The following DCLK2 variants were observed in gnomAD, a reference collection of about 807,000 sequenced individuals.
DCLK2 encodes serine/threonine-protein kinase DCLK2.
In DCLK2, 31 loss-of-function variants were observed where a neutral mutation model predicts 78.4. That is an observed-to-expected ratio of 0.40 (90% CI 0.30 to 0.53). The LOEUF is 0.53. Ranked by LOEUF, DCLK2 falls within the 20% of genes least tolerant of loss-of-function variation. The pLI, the probability that DCLK2 is intolerant of heterozygous loss-of-function variation, is 0.61. For synonymous variants in DCLK2, 407 were observed against 374.9 expected (o/e 1.09, Z -0.99); for missense variants, 872 against 973.7 (o/e 0.90, Z 1.39).
intron 2 of DCLK2, among the ~76,000 whole-genome samples, chr4:150,171,639 T>G (rs1736538744): frequency 6.6e-6 from 1 of 152,234 alleles, no homozygotes; most frequent in Non-Finnish European, 1.5e-5. Context: ...GTGGGCCTTC[T>G]TGGAGAATAT....
chr4:150,226,920 G>C (rs958576116), intron 8 of DCLK2, among the ~76,000 whole-genome samples: 1 of 152,138 alleles, frequency 6.6e-6, no homozygotes, highest in Non-Finnish European at 1.5e-5. Flanking sequence ...CTGTTTTGGA[G>C]TGTTGGCCAC....
intron 12 of DCLK2, among the ~76,000 whole-genome samples, chr4:150,247,259 A>G (rs1417885695): frequency 6.6e-6 from 1 of 152,214 alleles, no homozygotes; most frequent in Non-Finnish European, 1.5e-5. Context: ...TTAAGCGTAC[A>G]GTTCAGTACC....
intron 3 of DCLK2, among the ~76,000 whole-genome samples, chr4:150,197,324 C>G (rs889811226): frequency 2.0e-5 from 3 of 152,144 alleles, no homozygotes; most frequent in Non-Finnish European, 1.5e-5. Flanking sequence ...GTAGTCTTTG[C>G]CTATCAATAC....
At chr4:150,200,787 A>G (rs1326992427) in intron 4 of DCLK2, among the ~76,000 whole-genome samples, 2 of 152,210 alleles carry the variant, frequency 1.3e-5, no homozygotes, top group East Asian at 1.9e-4. Context: ...CTCTGTCAGA[A>G]TAGCTAAATA....
In DCLK2 at chr4:150,239,874, G is replaced by A; in HGVS notation, c.1699G>A (p.Gly567Ser). Reference protein sequence around the residue: ...YVAPEIIAETGYGLKVDIWAA... With the variant: ...YVAPEIIAETSYGLKVDIWAA... ...GGCTCCAGAAATCATTGCTGAAACT[G>A]GGTAAGACTTCTGGTGGCCCTGGTT... is the stretch of plus-strand genomic sequence containing the variant. Residue 567 changes from glycine (G) to serine (S), a missense_variant and splice_region_variant, in exon 11 of 16, where the codon GGC becomes AGC. Physicochemically the swap from Gly to Ser is moderately conservative, Grantham distance 56 (BLOSUM62 0). Transcript: ENST00000296550. The A allele has an allele frequency of 6.2e-7, 1 of 1,613,854 alleles. No individual in the cohort carries two copies. The highest frequency in any genetic ancestry group is 8.5e-7 in the Non-Finnish European group (1 of 1,179,950).
At chr4:150,135,045 A>G (rs2150203650) in intron 2 of DCLK2, among the ~76,000 whole-genome samples, 1 of 152,322 alleles carries the variant, frequency 6.6e-6, no homozygotes, top group Admixed American at 6.5e-5. Flanking sequence ...TTTTATAATG[A>G]AAAGTCTGCT....
intron 2 of DCLK2, among the ~76,000 whole-genome samples, chr4:150,104,394 TAAAAAAAAAAAA>T (rs34276664): frequency 1.7e-4 from 5 of 29,762 alleles, no homozygotes; most frequent in African/African-American, 1.7e-4. Context: ...CCACATCTCC[TAAAAAAAAAAAA>T]AAAAAAAAAA....
intron 2 of DCLK2, among the ~76,000 whole-genome samples, chr4:150,109,288 C>A (rs1369929980): frequency 6.6e-6 from 1 of 151,092 alleles, no homozygotes; most frequent in Non-Finnish European, 1.5e-5. Flanking sequence ...TAGGTAAGGA[C>A]AGAATTTGGT....
intron 1 of DCLK2, among the ~76,000 whole-genome samples, chr4:150,097,751 C>T (rs1258986627): frequency 6.6e-6 from 1 of 152,166 alleles, no homozygotes; most frequent in Admixed American, 6.5e-5. Flanking sequence ...TTATAACCAC[C>T]TTATGCTTCT....
At chr4:150,254,467 C>CAGAAA (rs1476473054) in intron 15 of DCLK2, 1 of 398,740 alleles carries the variant, frequency 2.5e-6, no homozygotes, top group Non-Finnish European at 4.4e-6. Context: ...GCCAGCCTGC[C>CAGAAA]TTCTGCCACA....
chr4:150,227,990 T>A (rs776301575), intron 8 of DCLK2, among the ~76,000 whole-genome samples: 1 of 152,190 alleles, frequency 6.6e-6, no homozygotes, highest in Non-Finnish European at 1.5e-5. Flanking sequence ...TTGGGGGTTT[T>A]GGGGAGAATC....
At chr4:150,215,111 T>C (rs1179704425) in intron 5 of DCLK2, among the ~76,000 whole-genome samples, 3 of 151,978 alleles carry the variant, frequency 2.0e-5, no homozygotes, top group Non-Finnish European at 1.5e-5. Flanking sequence ...GTCCTTTTAT[T>C]AAAAAAAATG....
At chr4:150,124,546 CATT>C (rs1415579521) in intron 2 of DCLK2, among the ~76,000 whole-genome samples, 2 of 152,144 alleles carry the variant, frequency 1.3e-5, no homozygotes, top group African/African-American at 4.8e-5. Context: ...ATTTTTGAAT[CATT>C]AAGTTTATTA....
chr4:150,250,898 A>G (rs1353265503), intron 15 of DCLK2, among the ~76,000 whole-genome samples: 1 of 27,250 alleles, frequency 3.7e-5, no homozygotes, highest in Non-Finnish European at 7.4e-5. Context: ...CACCCCCCAC[A>G]CCCCCCACAT....
chr4:150,124,019 C>CAA (rs566813464), intron 2 of DCLK2, among the ~76,000 whole-genome samples: 74 of 143,038 alleles, frequency 5.2e-4, no homozygotes, highest in South Asian at 8.9e-4. Flanking sequence ...CAGCCTGTCT[C>CAA]AAAAAAAAAA....
chr4:150,232,864 C>T (rs761181621), intron 10 of DCLK2, 36 bp downstream of exon 10: 1 of 1,595,098 alleles, frequency 6.3e-7, no homozygotes, highest in African/African-American at 1.3e-5. Flanking sequence ...CCAATGAATG[C>T]CTCTCTTCCT....
chr4:150,209,138 G>C (rs528681584), intron 5 of DCLK2, among the ~76,000 whole-genome samples: 1 of 152,352 alleles, frequency 6.6e-6, no homozygotes, highest in South Asian at 2.1e-4. Flanking sequence ...TGTAAAATTA[G>C]TTATTAAAGG....
intron 2 of DCLK2, among the ~76,000 whole-genome samples, chr4:150,120,387 A>C (rs1006189450): frequency 6.6e-6 from 1 of 152,168 alleles, no homozygotes; most frequent in African/African-American, 2.4e-5. Context: ...TGTTCTGTTT[A>C]GTTGGAGGAA....
intron 1 of DCLK2, among the ~76,000 whole-genome samples, chr4:150,094,714 T>TA (rs1730337710): frequency 6.6e-6 from 1 of 152,262 alleles, no homozygotes; most frequent in South Asian, 2.1e-4. Context: ...GTTTTGGAAA[T>TA]ACGCATTTTC....
Sources: gnomAD v4.1 joint callset for allele counts (sites outside exome capture counted in the v4.1 genomes callset) on GRCh38, gnomAD v4.1.1 for gene constraint, MANE v1.5 for transcripts, NCBI Gene and HGNC (gene_info 2026-07-23, HGNC 2026-07-21) for gene names.